The following SLIT2 variants were observed in gnomAD, a reference collection of about 807,000 sequenced individuals.
SLIT2 encodes slit guidance ligand 2.
A neutral mutation model predicts 185.7 loss-of-function variants in SLIT2; 41 were observed. That is an observed-to-expected ratio of 0.22 (90% confidence interval 0.17 to 0.29). The LOEUF is 0.29. Among genes scored for constraint, SLIT2 ranks in the 10% least tolerant of loss-of-function variants. The pLI, the probability that SLIT2 is intolerant of heterozygous loss-of-function variation, is 1.00. For synonymous variants in SLIT2, 693 were observed against 680.2 expected, an observed-to-expected ratio of 1.02 and a Z score of -0.29; for missense variants, 1,571 against 1,909.0, an observed-to-expected ratio of 0.82 and a Z score of 3.30.
intron 4 of SLIT2, among the ~76,000 whole-genome samples, chr4:20,320,377 C>T (rs1485115063): frequency 6.6e-6 from 1 of 152,170 alleles, no homozygotes; most frequent in Admixed American, 6.5e-5. Context: ...TTCAGTTTGA[C>T]TCTCTGGACT....
chr4:20,598,234 T>C, intron 32 of SLIT2, 31 bp from the exon 33 acceptor site: 3 of 1,611,840 alleles, frequency 1.9e-6, no homozygotes, highest in Non-Finnish European at 2.5e-6. Flanking sequence ...TGCGTACACA[T>C]CCTAGTAATG....
intron 4 of SLIT2, among the ~76,000 whole-genome samples, chr4:20,390,204 C>A (rs1015580929): frequency 5.9e-5 from 9 of 151,968 alleles, no homozygotes; most frequent in Non-Finnish European, 1.2e-4. Flanking sequence ...TAAAATGTAA[C>A]CTCACTATTC....
At chr4:20,582,160 C>T (rs1726634882) in intron 29 of SLIT2, among the ~76,000 whole-genome samples, 1 of 152,194 alleles carries the variant, frequency 6.6e-6, no homozygotes, top group Non-Finnish European at 1.5e-5. Flanking sequence ...CCCAGCCAGC[C>T]TCTGGGGCTC....
At chr4:20,353,555 T>C (rs748542277) in intron 4 of SLIT2, among the ~76,000 whole-genome samples, 1 of 152,184 alleles carries the variant, frequency 6.6e-6, no homozygotes, top group African/African-American at 2.4e-5. Flanking sequence ...TTATTTTATG[T>C]AGAACAGGCT....
intron 4 of SLIT2, among the ~76,000 whole-genome samples, chr4:20,338,032 T>G (rs1164329099): frequency 1.3e-5 from 2 of 152,198 alleles, no homozygotes; most frequent in Non-Finnish European, 2.9e-5. Flanking sequence ...TGTCACTCAT[T>G]TGAAAAGGGA....
At chr4:20,546,619 T>C (rs1478551853) in intron 22 of SLIT2, among the ~76,000 whole-genome samples, 1 of 152,224 alleles carries the variant, frequency 6.6e-6, no homozygotes, top group African/African-American at 2.4e-5. Flanking sequence ...TTAAGTAAAC[T>C]TGACAAAGAT....
chr4:20,479,934 A>G (rs918217050), intron 5 of SLIT2, among the ~76,000 whole-genome samples: 4 of 152,172 alleles, frequency 2.6e-5, no homozygotes, highest in African/African-American at 9.6e-5. Flanking sequence ...TATGTTTCTT[A>G]GTGGCTTTAA....
At chr4:20,459,240 T>TTTA (rs1187187031) in intron 4 of SLIT2, among the ~76,000 whole-genome samples, 7 of 152,154 alleles carry the variant, frequency 4.6e-5, no homozygotes, top group African/African-American at 1.7e-4. Flanking sequence ...ATATCGAATT[T>TTTA]TATTAAGATT....
intron 4 of SLIT2, among the ~76,000 whole-genome samples, chr4:20,455,032 T>G (rs546630213): frequency 6.6e-6 from 1 of 152,262 alleles, no homozygotes; most frequent in South Asian, 2.1e-4. Flanking sequence ...TAGAAACACA[T>G]ACATGTTTAG....
At chr4:20,507,098 C>G (rs544863454) in intron 9 of SLIT2, among the ~76,000 whole-genome samples, 1 of 152,060 alleles carries the variant, frequency 6.6e-6, no homozygotes, top group African/African-American at 2.4e-5. Flanking sequence ...ACAGATGATT[C>G]ATGCAGCATG....
intron 29 of SLIT2, among the ~76,000 whole-genome samples, chr4:20,576,466 T>A (rs1726092532): frequency 6.6e-6 from 1 of 152,074 alleles, no homozygotes. Context: ...TTTGGCTGAG[T>A]TGGATTTGTA....
intron 4 of SLIT2, among the ~76,000 whole-genome samples, chr4:20,309,884 C>T (rs964598270): frequency 2.0e-5 from 3 of 151,484 alleles, no homozygotes; most frequent in Non-Finnish European, 4.4e-5. Flanking sequence ...CTCAGCCTCC[C>T]GAGTAGCTGG....
Position 20,553,842 on chromosome 4 carries a change from A to G in SLIT2, c.2599A>G (p.Met867Val). 1.2e-6 allele frequency: 2 copies of G among 1,603,138 alleles called. No individual in the cohort carries two copies. The highest frequency in any genetic ancestry group is 1.7e-6 in the Non-Finnish European group (2 of 1,176,920). ...GANPLYCDCN[M>V]QWLSDWVKSE... ...CAACCCTCTTTACTGTGATTGTAAC[A>G]TGCAGTGGTTATCCGACTGGGTGAA... Residue 867 changes from methionine to valine, a missense_variant, in exon 26 of 37, where the codon ATG becomes GTG. By Grantham distance (21) the Met-to-Val change is conservative (BLOSUM62 1). Around this residue, in one of 3 missense-constraint regions of SLIT2, gnomAD observed 1,202 missense variants for 1,416.4 expected, o/e 0.85. Transcript: ENST00000504154.
intron 4 of SLIT2, among the ~76,000 whole-genome samples, chr4:20,277,909 C>T (rs1371053390): frequency 6.6e-6 from 1 of 151,458 alleles, no homozygotes; most frequent in Non-Finnish European, 1.5e-5. Context: ...AGACAGTTAA[C>T]CAAAAAGGAA....
At chr4:20,358,741 T>A (rs887370837) in intron 4 of SLIT2, among the ~76,000 whole-genome samples, 2 of 152,118 alleles carry the variant, frequency 1.3e-5, no homozygotes, top group African/African-American at 4.8e-5. Context: ...TACTTTCCCA[T>A]TGGACATTTA....
intron 4 of SLIT2, among the ~76,000 whole-genome samples, chr4:20,356,460 T>C (rs1722333814): frequency 6.6e-6 from 1 of 152,184 alleles, no homozygotes; most frequent in South Asian, 2.1e-4. Context: ...AAATGTAGCC[T>C]AACACACTCT....
chr4:20,363,670 G>A (rs1202806281), intron 4 of SLIT2, among the ~76,000 whole-genome samples: 3 of 151,938 alleles, frequency 2.0e-5, no homozygotes, highest in African/African-American at 7.2e-5. Context: ...GAGAAATCTA[G>A]GAAGAAACAC....
intron 4 of SLIT2, among the ~76,000 whole-genome samples, chr4:20,407,535 T>C (rs1726870545): frequency 6.6e-6 from 1 of 152,180 alleles, no homozygotes; most frequent in Admixed American, 6.5e-5. Flanking sequence ...CCTTCAGCGT[T>C]GCTACTTGGC....
intron 29 of SLIT2, among the ~76,000 whole-genome samples, chr4:20,570,089 C>T (rs1725440176): frequency 6.6e-6 from 1 of 152,004 alleles, no homozygotes; most frequent in Non-Finnish European, 1.5e-5. Flanking sequence ...TTTGGCAACC[C>T]AGATCTGTTT....
Sources: gnomAD v4.1 joint callset for allele counts (sites outside exome capture counted in the v4.1 genomes callset) on GRCh38, gnomAD v4.1.1 for gene constraint, gnomAD v4.1.1 regional missense constraint, MANE v1.5 for transcripts, NCBI Gene and HGNC (gene_info 2026-07-23, HGNC 2026-07-21) for gene names.